BRINP3: variants seen among roughly 807,000 people sequenced by gnomAD.
The protein encoded by BRINP3 is BMP/retinoic acid inducible neural specific 3.
A neutral mutation model predicts 71.0 loss-of-function variants in BRINP3; 19 were observed. The observed-to-expected ratio is 0.27, with a 90% CI of 0.19 to 0.39. BRINP3 has a LOEUF of 0.39. Among genes scored for constraint, BRINP3 ranks in the 10% least tolerant of loss-of-function variants. BRINP3 has a pLI of 1.00. For synonymous variants in BRINP3, 380 were observed against 337.7 expected (o/e 1.13, Z -1.37); for missense variants, 959 against 940.8 (o/e 1.02, Z -0.25).
chr1:190,285,059 T>A (rs1160844272), intron 2 of BRINP3, among the ~76,000 whole-genome samples: 2 of 152,128 alleles, frequency 1.3e-5, no homozygotes, highest in African/African-American at 4.8e-5. Flanking sequence ...TCTTATTTCC[T>A]CTCCACATTT....
intron 2 of BRINP3, among the ~76,000 whole-genome samples, chr1:190,292,354 T>C (rs1663932405): frequency 6.6e-6 from 1 of 151,730 alleles, no homozygotes; most frequent in Admixed American, 6.6e-5. Flanking sequence ...AGAAAAAATA[T>C]AAAATAAAAA....
At chr1:190,461,095 C>T (rs1676367764) in intron 1 of BRINP3, among the ~76,000 whole-genome samples, 1 of 152,138 alleles carries the variant, frequency 6.6e-6, no homozygotes, top group South Asian at 2.1e-4. Flanking sequence ...TCCTTTACCC[C>T]CAATTATGTA....
chr1:190,154,504 C>T (rs1656693762), intron 7 of BRINP3, among the ~76,000 whole-genome samples: 1 of 152,156 alleles, frequency 6.6e-6, no homozygotes, highest in African/African-American at 2.4e-5. Flanking sequence ...GACACTTCCA[C>T]TGACAGTTCT....
chr1:190,187,355 C>T (rs907912290), intron 6 of BRINP3, among the ~76,000 whole-genome samples: 2 of 152,012 alleles, frequency 1.3e-5, no homozygotes, highest in African/African-American at 4.8e-5. Context: ...GATTTGTTTC[C>T]TTTAAGTGCA....
chr1:190,149,800 T>C (rs1656225411), intron 7 of BRINP3, among the ~76,000 whole-genome samples: 1 of 152,192 alleles, frequency 6.6e-6, no homozygotes, highest in Non-Finnish European at 1.5e-5. Flanking sequence ...ATTTGATCTT[T>C]TGTATTTCCT....
chr1:190,174,759 G>GA (rs922353724), intron 6 of BRINP3, among the ~76,000 whole-genome samples: 4 of 150,438 alleles, frequency 2.7e-5, no homozygotes, highest in Admixed American at 6.7e-5. Context: ...ATAATAAAGA[G>GA]AAAATCATAT....
At chr1:190,196,425 T>C (rs1459967423) in intron 6 of BRINP3, among the ~76,000 whole-genome samples, 1 of 152,192 alleles carries the variant, frequency 6.6e-6, no homozygotes, top group Middle Eastern at 3.2e-3. Flanking sequence ...GATATGGCCT[T>C]AGATCTGTAG....
At chr1:190,117,439 C>T (rs891726894) in intron 7 of BRINP3, among the ~76,000 whole-genome samples, 1 of 151,960 alleles carries the variant, frequency 6.6e-6, no homozygotes, top group Admixed American at 6.6e-5. Context: ...CATACACAAA[C>T]AGTAGAGATT....
chr1:190,110,118 A>AT (rs1652538775), intron 7 of BRINP3, among the ~76,000 whole-genome samples: 1 of 152,194 alleles, frequency 6.6e-6, no homozygotes, highest in Non-Finnish European at 1.5e-5. Context: ...GCTATGACAC[A>AT]TTTTTTGTAT....
chr1:190,464,931 G>C (rs1676639540), intron 1 of BRINP3, among the ~76,000 whole-genome samples: 1 of 151,972 alleles, frequency 6.6e-6, no homozygotes, highest in African/African-American at 2.4e-5. Flanking sequence ...ATTCCTCTGA[G>C]AAATGTGTAC....
chr1:190,225,650 T>G (rs1205286709), intron 6 of BRINP3, among the ~76,000 whole-genome samples: 2 of 152,070 alleles, frequency 1.3e-5, no homozygotes, highest in Non-Finnish European at 2.9e-5. Context: ...AAAATTTAGA[T>G]AACTTCATTG....
chr1:190,150,199 C>T (rs757969176), intron 7 of BRINP3, among the ~76,000 whole-genome samples: 4 of 151,340 alleles, frequency 2.6e-5, no homozygotes, highest in African/African-American at 4.9e-5. Context: ...CAGTCATATG[C>T]CATTTTAATG....
intron 2 of BRINP3, among the ~76,000 whole-genome samples, chr1:190,301,222 T>TACACATAC (rs1664706555): frequency 1.6e-5 from 2 of 127,608 alleles, no homozygotes; most frequent in South Asian, 2.4e-4. Context: ...TATATATATA[T>TACACATAC]ATATATATAT....
At chr1:190,411,633 G>C (rs1672668201) in intron 2 of BRINP3, among the ~76,000 whole-genome samples, 1 of 152,080 alleles carries the variant, frequency 6.6e-6, no homozygotes, top group Non-Finnish European at 1.5e-5. Flanking sequence ...TGAAGGCTTT[G>C]AGGAAATATG....
rs80056008 is a variant in BRINP3, at chr1:190,280,111, G to C, written c.427+1449C>G. Among the ~76,000 whole-genome samples the C allele has an allele frequency of 9.2e-5, 14 of 151,926 alleles. No individual in the cohort carries two copies. In the East Asian group the frequency reaches 2.7e-3, roughly 29 times the overall value. The stretch of plus-strand genomic sequence containing the variant: ...ATAATTTCACATGATAATAAATACT[G>C]TGATAAATGCAAATGTGATCATGAA... On this transcript the variant is annotated intron_variant, in intron 3 of 7. Coordinates refer to ENST00000367462, the MANE Select transcript of BRINP3 (RefSeq NM_199051.3).
chr1:190,330,979 G>A (rs190841817), intron 2 of BRINP3, among the ~76,000 whole-genome samples: 42 of 151,976 alleles, frequency 2.8e-4, no homozygotes, highest in East Asian at 7.8e-4. Context: ...TTAGGGGAGC[G>A]GGGAAGGAGT....
chr1:190,203,752 TATATATATATATATA>T (rs1655223436), intron 6 of BRINP3, among the ~76,000 whole-genome samples: 1 of 3,306 alleles, frequency 3.0e-4, no homozygotes, highest in Non-Finnish European at 4.7e-4. Flanking sequence ...CTAAAGAAAA[TATATATATATATATA>T]TATATATATA....
intron 6 of BRINP3, among the ~76,000 whole-genome samples, chr1:190,204,083 G>C (rs534894589): frequency 6.6e-6 from 1 of 151,540 alleles, no homozygotes; most frequent in African/African-American, 2.4e-5. Context: ...ATTTTGTATT[G>C]ATTTCAAATA....
intron 6 of BRINP3, among the ~76,000 whole-genome samples, chr1:190,217,868 C>G (rs988358029): frequency 6.6e-5 from 10 of 151,994 alleles, no homozygotes; most frequent in African/African-American, 2.2e-4. Flanking sequence ...TTTGTTAGGA[C>G]TGGCTTCTAA....
Sources: allele counts gnomAD v4.1 joint callset (sites outside exome capture counted in the v4.1 genomes callset), GRCh38; gene constraint gnomAD v4.1.1; transcripts MANE v1.5; gene names NCBI Gene and HGNC (gene_info 2026-07-23, HGNC 2026-07-21).